The following SKAP2 variants were observed in gnomAD, a reference collection of about 807,000 sequenced individuals.
The protein encoded by SKAP2 is src kinase-associated phosphoprotein 2.
SKAP2 carries 28 observed loss-of-function variants against 54.9 expected under a neutral mutation model. The observed-to-expected ratio is 0.51, with a 90% CI of 0.38 to 0.70. The LOEUF is 0.70. SKAP2 is among the 30% of genes least tolerant of loss of function. SKAP2 has a pLI of 0.00. For synonymous variants in SKAP2, 137 were observed against 134.3 expected (o/e 1.02, Z -0.14); for missense variants, 356 against 424.1 (o/e 0.84, Z 1.41).
chr7:26,664,266 C>G (rs375421771), downstream of SKAP2, among the ~76,000 whole-genome samples: 1 of 152,088 alleles, frequency 6.6e-6, no homozygotes, highest in Non-Finnish European at 1.5e-5. Flanking sequence ...GAACTTACTT[C>G]ATAGGGTTGT....
At chr7:26,819,184 A>G (rs1784333119) in intron 4 of SKAP2, among the ~76,000 whole-genome samples, 1 of 152,202 alleles carries the variant, frequency 6.6e-6, no homozygotes, top group African/African-American at 2.4e-5. Flanking sequence ...AATGCCCATC[A>G]ATGATAGACT....
intron 4 of SKAP2, among the ~76,000 whole-genome samples, chr7:26,769,498 C>CT (rs1783137190): frequency 6.6e-6 from 1 of 152,176 alleles, no homozygotes. Context: ...TGTTCCCTTG[C>CT]TGGCAAGGAG....
chr7:26,800,721 T>C lies in SKAP2; in HGVS notation c.307+43309A>G, dbSNP rs1270976781. On this transcript the variant is annotated intron_variant, in intron 4 of 12. Transcript: ENST00000345317. Reference sequence around the variant, plus strand: ...TGTCAGTGTCTACACTATGAGCAAGTACATGCCAATAAATTGGAAAATCTG... The same window carrying C: ...TGTCAGTGTCTACACTATGAGCAAGCACATGCCAATAAATTGGAAAATCTG... 5.3e-5 allele frequency among the ~76,000 whole-genome samples: 8 copies of C among 152,232 alleles called. No homozygotes were observed. The East Asian group carries it at 1.4e-3, about 26-fold the overall frequency.
intron 4 of SKAP2, among the ~76,000 whole-genome samples, chr7:26,835,023 A>G (rs1784676870): frequency 6.6e-6 from 1 of 152,238 alleles, no homozygotes. Context: ...CGTCCCTAGG[A>G]TGCAAGGCTG....
chr7:26,816,158 G>T (rs536479498), intron 4 of SKAP2, among the ~76,000 whole-genome samples: 1 of 152,110 alleles, frequency 6.6e-6, no homozygotes, highest in South Asian at 2.1e-4. Context: ...TTCCCACTTT[G>T]TGCTATATAA....
chr7:26,678,974 A>G (rs952962466), intron 11 of SKAP2, among the ~76,000 whole-genome samples: 7 of 152,186 alleles, frequency 4.6e-5, no homozygotes, highest in African/African-American at 1.7e-4. Flanking sequence ...CAAGGCTGAA[A>G]TCATGAATTG....
chr7:26,828,450 G>A (rs965651472), intron 4 of SKAP2, among the ~76,000 whole-genome samples: 1 of 152,012 alleles, frequency 6.6e-6, no homozygotes, highest in African/African-American at 2.4e-5. Context: ...GGCCGAGGCA[G>A]GCAGATCACC....
At chr7:26,803,223 G>T (rs1458662159) in intron 4 of SKAP2, among the ~76,000 whole-genome samples, 31 of 152,174 alleles carry the variant, frequency 2.0e-4, no homozygotes, top group Non-Finnish European at 2.9e-5. Flanking sequence ...ATACCCCTCT[G>T]ACAAGGGATT....
intron 6 of SKAP2, among the ~76,000 whole-genome samples, chr7:26,736,537 A>T (rs926022607): frequency 6.6e-6 from 1 of 152,200 alleles, no homozygotes; most frequent in East Asian, 1.9e-4. Flanking sequence ...AGTAACAATA[A>T]GTGTAAGCAG....
At chr7:26,669,866 T>C (rs970527302) in intron 12 of SKAP2, among the ~76,000 whole-genome samples, 1 of 152,158 alleles carries the variant, frequency 6.6e-6, no homozygotes, top group African/African-American at 2.4e-5. Flanking sequence ...AAAAGAACTT[T>C]CTCTAAATAA....
intron 9 of SKAP2, among the ~76,000 whole-genome samples, chr7:26,720,374 T>C (rs1298855137): frequency 6.6e-6 from 1 of 152,202 alleles, no homozygotes; most frequent in Non-Finnish European, 1.5e-5. Flanking sequence ...CATACTATAT[T>C]ATGAAACAAC....
intron 4 of SKAP2, among the ~76,000 whole-genome samples, chr7:26,794,823 A>G (rs904415223): frequency 6.6e-6 from 1 of 151,978 alleles, no homozygotes; most frequent in African/African-American, 2.4e-5. Context: ...AGGAAGGTGG[A>G]TATCTTGTCC....
intron 6 of SKAP2, among the ~76,000 whole-genome samples, chr7:26,734,124 A>G (rs1265101407): frequency 6.6e-6 from 1 of 152,236 alleles, no homozygotes; most frequent in Non-Finnish European, 1.5e-5. Flanking sequence ...CTTTGGAGGC[A>G]GAGAGATCTG....
chr7:26,800,336 A>G (rs1202495721), intron 4 of SKAP2, among the ~76,000 whole-genome samples: 3 of 152,186 alleles, frequency 2.0e-5, no homozygotes, highest in Non-Finnish European at 2.9e-5. Context: ...TAATGAAAAC[A>G]GAACACACCA....
chr7:26,836,735 G>C (rs1050892245), intron 4 of SKAP2, among the ~76,000 whole-genome samples: 39 of 152,292 alleles, frequency 2.6e-4, no homozygotes, highest in African/African-American at 9.4e-4. Flanking sequence ...TTACACTGTT[G>C]GTGGGAGTGT....
At chr7:26,752,580 C>T (rs1782710187) in intron 4 of SKAP2, among the ~76,000 whole-genome samples, 1 of 152,150 alleles carries the variant, frequency 6.6e-6, no homozygotes, top group Non-Finnish European at 1.5e-5. Context: ...TCCTGTTTGC[C>T]TTGATCAGAC....
At chr7:26,821,504 C>A (rs560448449) in intron 4 of SKAP2, among the ~76,000 whole-genome samples, 1 of 152,304 alleles carries the variant, frequency 6.6e-6, no homozygotes, top group South Asian at 2.1e-4. Context: ...ATCTTCTCAT[C>A]TATCTCATTC....
At chr7:26,713,646 C>T (rs945071013) in intron 9 of SKAP2, among the ~76,000 whole-genome samples, 3 of 151,744 alleles carry the variant, frequency 2.0e-5, no homozygotes, top group Admixed American at 6.6e-5. Context: ...GTCGCCCAGG[C>T]TGGAGTGCAG....
At chr7:26,830,164 A>G (rs1784569869) in intron 4 of SKAP2, among the ~76,000 whole-genome samples, 1 of 152,338 alleles carries the variant, frequency 6.6e-6, no homozygotes. Flanking sequence ...TTCCATTTAT[A>G]TGAAATATCC....
Sources: gnomAD v4.1 joint callset for allele counts (sites outside exome capture counted in the v4.1 genomes callset) on GRCh38, gnomAD v4.1.1 for gene constraint, MANE v1.5 for transcripts, NCBI Gene and HGNC (gene_info 2026-07-23, HGNC 2026-07-21) for gene names.